LRGUK: variants seen among roughly 807,000 people sequenced by gnomAD.
The protein encoded by LRGUK is leucine-rich repeat and guanylate kinase domain-containing protein.
LRGUK carries 65 observed loss-of-function variants against 76.0 expected under a neutral mutation model. The ratio of observed to expected loss-of-function variants is 0.85; its 90% CI spans 0.70 to 1.05. LRGUK has a LOEUF of 1.05. Among genes scored for constraint, LRGUK ranks in the 50% least tolerant of loss-of-function variants. The pLI is 0.00. For missense variants in LRGUK, 758 were observed against 732.8 expected (o/e 1.03, Z -0.40); for synonymous variants, 268 against 265.6 (o/e 1.01, Z -0.09).
intron 15 of LRGUK, among the ~76,000 whole-genome samples, chr7:134,217,621 C>G (rs1801471498): frequency 6.6e-6 from 1 of 152,074 alleles, no homozygotes; most frequent in African/African-American, 2.4e-5. Flanking sequence ...CACAGATAGA[C>G]AAGACTTTTA....
intron 6 of LRGUK, among the ~76,000 whole-genome samples, chr7:134,161,719 C>A: frequency 1.6e-5 from 2 of 126,906 alleles, no homozygotes; most frequent in Admixed American, 9.5e-5. Flanking sequence ...GAGACGGAGT[C>A]TCGCTCTGTT....
exon 20 of LRGUK, chr7:134,264,282 A>G (rs1323596976): frequency 9.4e-6 from 2 of 212,836 alleles, no homozygotes; most frequent in Admixed American, 1.2e-4. Flanking sequence ...AATTTTTTCC[A>G]CCTGCTCCCT....
chr7:134,211,234 G>A (rs534831578), downstream of LRGUK, among the ~76,000 whole-genome samples: 32 of 152,354 alleles, frequency 2.1e-4, 1 homozygote, highest in African/African-American at 7.5e-4. Flanking sequence ...ATCAGCTGCT[G>A]CCACCAAATT....
chr7:134,195,056 G>A (rs1028549673), intron 12 of LRGUK, among the ~76,000 whole-genome samples: 3 of 152,152 alleles, frequency 2.0e-5, no homozygotes, highest in Non-Finnish European at 2.9e-5. Context: ...GGTCAGAGAT[G>A]AAATCACAGA....
At chr7:134,183,705 G>A in intron 10 of LRGUK, 29 bp from the exon 11 acceptor site, 2 of 1,612,766 alleles carry the variant, frequency 1.2e-6, no homozygotes, top group Non-Finnish European at 1.7e-6. Context: ...GACTGCAATA[G>A]GAGAACTGAC....
chr7:134,170,065 T>C (rs1454348576), intron 7 of LRGUK, among the ~76,000 whole-genome samples: 2 of 152,056 alleles, frequency 1.3e-5, no homozygotes, highest in African/African-American at 4.8e-5. Context: ...AAAAACAGTA[T>C]TTTGCATTAT....
intron 10 of LRGUK, 37 bp from the exon 11 acceptor site, chr7:134,183,697 C>T: frequency 1.2e-6 from 2 of 1,611,748 alleles, no homozygotes; most frequent in Non-Finnish European, 1.7e-6. Context: ...GTCTCCCTGA[C>T]TGCAATAGGA....
chr7:134,134,553 G>C (rs538239167), intron 1 of LRGUK, among the ~76,000 whole-genome samples: 2 of 152,282 alleles, frequency 1.3e-5, no homozygotes, highest in Admixed American at 1.3e-4. Context: ...AAGGAAAAAT[G>C]GGGACAGCGT....
At chr7:134,276,453 G>A in the LRGUK span, among the ~76,000 whole-genome samples, 52,082 of 151,934 alleles carry the variant, frequency 0.34, 10,991 homozygotes, top group South Asian at 0.49. Flanking sequence ...CGGAAGGACC[G>A]ATGGTGGTGT....
At chr7:134,163,021 T>G (rs1199431481) in intron 6 of LRGUK, among the ~76,000 whole-genome samples, 2 of 152,166 alleles carry the variant, frequency 1.3e-5, no homozygotes, top group Non-Finnish European at 2.9e-5. Context: ...CTTGTGATGA[T>G]GATGAAAGAG....
At chr7:134,183,615 A>C (rs1489867530) in intron 10 of LRGUK, 119 bp from the exon 11 acceptor site, 3 of 1,009,352 alleles carry the variant, frequency 3.0e-6, no homozygotes, top group Non-Finnish European at 4.4e-6. Context: ...CTATTCTTCT[A>C]CGCAGGGTCT....
chr7:134,255,286 C>T (rs1442256666), intron 18 of LRGUK, among the ~76,000 whole-genome samples: 2 of 150,464 alleles, frequency 1.3e-5, no homozygotes, highest in Admixed American at 6.6e-5. Context: ...TACTACCCGG[C>T]GAGAAAAAAA....
At chr7:134,261,128 G>A (rs570650324) in intron 19 of LRGUK, among the ~76,000 whole-genome samples, 6 of 152,184 alleles carry the variant, frequency 3.9e-5, no homozygotes, top group Admixed American at 1.3e-4. Context: ...ATGTTTCCAC[G>A]GGACAATAAG....
intron 12 of LRGUK, 48 bp downstream of exon 12, chr7:134,191,799 C>T (rs1800263102): frequency 1.6e-6 from 2 of 1,238,550 alleles, no homozygotes; most frequent in Non-Finnish European, 2.3e-6. Context: ...TACACGTTCT[C>T]TGGCAAAAAT....
downstream of LRGUK, among the ~76,000 whole-genome samples, chr7:134,265,095 T>C (rs572057985): frequency 3.9e-4 from 59 of 152,198 alleles, no homozygotes; most frequent in African/African-American, 1.4e-3. Flanking sequence ...GATGACCACG[T>C]TGGGCAAGGA....
At chr7:134,160,536 T>G (rs954270966) in intron 6 of LRGUK, among the ~76,000 whole-genome samples, 1 of 152,234 alleles carries the variant, frequency 6.6e-6, no homozygotes, top group African/African-American at 2.4e-5. Flanking sequence ...CTTTAGTTAC[T>G]ATTGAAAATA....
At chr7:134,158,696 T>C (rs1298315903) in intron 6 of LRGUK, among the ~76,000 whole-genome samples, 3 of 152,144 alleles carry the variant, frequency 2.0e-5, no homozygotes, top group African/African-American at 7.2e-5. Flanking sequence ...AAAGTTTAAA[T>C]TTGATTATTT....
At chr7:134,244,002 T>C (rs1016519948) in intron 16 of LRGUK, among the ~76,000 whole-genome samples, 2 of 152,132 alleles carry the variant, frequency 1.3e-5, no homozygotes, top group African/African-American at 4.8e-5. Flanking sequence ...TAGCCATATG[T>C]AGAAAGCTGA....
At chr7:134,225,857 G>A (rs1265029630) in intron 16 of LRGUK, among the ~76,000 whole-genome samples, 1 of 152,182 alleles carries the variant, frequency 6.6e-6, no homozygotes, top group Non-Finnish European at 1.5e-5. Flanking sequence ...GATTCCGTGA[G>A]ACATTATGAT....
Sources: allele counts gnomAD v4.1 joint callset (sites outside exome capture counted in the v4.1 genomes callset), GRCh38; gene constraint gnomAD v4.1.1; transcripts MANE v1.5; gene names NCBI Gene and HGNC (gene_info 2026-07-23, HGNC 2026-07-21).